MARCHF1: variants seen among roughly 807,000 people sequenced by gnomAD.
The protein encoded by MARCHF1 is membrane associated ring-CH-type finger 1, also known as E3 ubiquitin-protein ligase MARCHF1.
A neutral mutation model predicts 54.2 loss-of-function variants in MARCHF1; 40 were observed. The ratio of observed to expected loss-of-function variants is 0.74; its 90% confidence interval spans 0.57 to 0.96. The LOEUF is 0.96. MARCHF1 is among the 40% of genes least tolerant of loss of function. The pLI is 0.00. For missense variants in MARCHF1, 586 were observed against 656.5 expected, an observed-to-expected ratio of 0.89 and a Z score of 1.17; for synonymous variants, 236 against 236.3, an observed-to-expected ratio of 1.00 and a Z score of 0.01.
chr4:163,832,622 G>A (rs903979420), intron 4 of MARCHF1, among the ~76,000 whole-genome samples: 9 of 146,770 alleles, frequency 6.1e-5, no homozygotes, highest in African/African-American at 2.2e-4. Context: ...AAGTTTTAGG[G>A]TACATGTGCA....
intron 1 of MARCHF1, among the ~76,000 whole-genome samples, chr4:164,318,952 A>G (rs1222299645): frequency 6.6e-6 from 1 of 152,222 alleles, no homozygotes; most frequent in African/African-American, 2.4e-5. Context: ...GTGACTTGAT[A>G]ATACTCAACT....
At chr4:163,543,863 T>C (rs953454356) in intron 9 of MARCHF1, among the ~76,000 whole-genome samples, 2 of 152,174 alleles carry the variant, frequency 1.3e-5, no homozygotes, top group African/African-American at 4.8e-5. Flanking sequence ...CCTTCTCATG[T>C]AGCTGGAGGA....
chr4:164,208,127 G>A (rs1004060194), intron 1 of MARCHF1, among the ~76,000 whole-genome samples: 2 of 152,138 alleles, frequency 1.3e-5, no homozygotes, highest in African/African-American at 4.8e-5. Flanking sequence ...TGTGTCAAGG[G>A]ATTAACTCAT....
At chr4:164,126,989 G>A (rs906742307) in intron 1 of MARCHF1, among the ~76,000 whole-genome samples, 2 of 152,096 alleles carry the variant, frequency 1.3e-5, no homozygotes. Context: ...AGGTGACGGA[G>A]GTTGCAGTGA....
At chr4:163,620,963 A>T (rs1741675330) in intron 5 of MARCHF1, among the ~76,000 whole-genome samples, 4 of 152,202 alleles carry the variant, frequency 2.6e-5, no homozygotes, top group Admixed American at 2.0e-4. Flanking sequence ...ATCAAGAATC[A>T]AGATTTGTGT....
At chr4:163,565,447 A>G (rs1739615049) in intron 8 of MARCHF1, among the ~76,000 whole-genome samples, 1 of 152,244 alleles carries the variant, frequency 6.6e-6, no homozygotes. Context: ...GGTTAGTTGC[A>G]TCAAGAAATC....
chr4:163,759,392 T>C (rs927356741), intron 4 of MARCHF1, among the ~76,000 whole-genome samples: 1 of 152,156 alleles, frequency 6.6e-6, no homozygotes, highest in Non-Finnish European at 1.5e-5. Context: ...TTTTTTTCAT[T>C]TGGTCAATAA....
In MARCHF1 at chr4:163,601,309, T is replaced by C. The variant is rs62332348; in HGVS notation, c.1010+10962A>G. 6.1e-3 allele frequency among the ~76,000 whole-genome samples: 932 copies of C among 152,270 alleles called. 9 individuals carry two copies. Among genetic ancestry groups the C allele is most frequent in the South Asian group, 0.046 (224 of 4,824 alleles). On this transcript the variant is annotated intron_variant, in intron 7 of 9. Transcript: ENST00000514618. ...GTTTATACACACAATGTTTATTTTC[T>C]GTTTGTATAAACATATAGGGAATCT...
intron 2 of MARCHF1, among the ~76,000 whole-genome samples, chr4:164,084,143 T>C (rs765969347): frequency 2.2e-4 from 34 of 151,964 alleles, no homozygotes; most frequent in Non-Finnish European, 4.3e-4. Flanking sequence ...ACTAGGATAT[T>C]ATAATAACTT....
At chr4:164,050,027 CACTT>C (rs1754326354) in intron 2 of MARCHF1, among the ~76,000 whole-genome samples, 1 of 152,050 alleles carries the variant, frequency 6.6e-6, no homozygotes, top group African/African-American at 2.4e-5. Flanking sequence ...GCAATCCCAG[CACTT>C]TGGGAGGCCG....
intron 2 of MARCHF1, among the ~76,000 whole-genome samples, chr4:164,064,486 T>A (rs1754686422): frequency 6.6e-6 from 1 of 152,200 alleles, no homozygotes; most frequent in Non-Finnish European, 1.5e-5. Flanking sequence ...CTAGTGATTT[T>A]TGCATGTCGA....
intron 5 of MARCHF1, among the ~76,000 whole-genome samples, chr4:163,668,868 A>C (rs1291322123): frequency 6.6e-6 from 1 of 152,126 alleles, no homozygotes; most frequent in African/African-American, 2.4e-5. Context: ...GAGTCAAAGA[A>C]GTCATTATTC....
intron 1 of MARCHF1, among the ~76,000 whole-genome samples, chr4:164,144,111 G>T (rs1729595854): frequency 6.6e-6 from 1 of 152,004 alleles, no homozygotes; most frequent in Non-Finnish European, 1.5e-5. Context: ...AATTCAACAA[G>T]AAGAGCTAAC....
chr4:163,904,643 G>A (rs150966002), intron 3 of MARCHF1, among the ~76,000 whole-genome samples: 1 of 152,254 alleles, frequency 6.6e-6, no homozygotes, highest in Non-Finnish European at 1.5e-5. Flanking sequence ...CAAGTAGCAA[G>A]CCTCTATTCT....
intron 1 of MARCHF1, among the ~76,000 whole-genome samples, chr4:164,296,802 T>A (rs1477715504): frequency 6.6e-6 from 1 of 152,206 alleles, no homozygotes; most frequent in Non-Finnish European, 1.5e-5. Context: ...TCAGGTTACT[T>A]ATGTTCATGG....
At chr4:164,109,281 AGAT>A (rs1336653608) in intron 2 of MARCHF1, among the ~76,000 whole-genome samples, 1 of 152,032 alleles carries the variant, frequency 6.6e-6, no homozygotes, top group Non-Finnish European at 1.5e-5. Context: ...GTCCAAGATA[AGAT>A]CTGTTTTACT....
chr4:163,631,880 T>G (rs1005893921), intron 5 of MARCHF1, among the ~76,000 whole-genome samples: 3 of 152,112 alleles, frequency 2.0e-5, no homozygotes, highest in Non-Finnish European at 4.4e-5. Flanking sequence ...CCAACCTACA[T>G]ACAGAGAAAA....
chr4:164,121,839 T>A (rs1407384474), intron 1 of MARCHF1, among the ~76,000 whole-genome samples: 1 of 151,962 alleles, frequency 6.6e-6, no homozygotes, highest in Non-Finnish European at 1.5e-5. Flanking sequence ...CCAAATTCAC[T>A]CTACAACATC....
chr4:164,007,777 T>C (rs1447972546), intron 2 of MARCHF1, among the ~76,000 whole-genome samples: 2 of 152,082 alleles, frequency 1.3e-5, no homozygotes, highest in Non-Finnish European at 2.9e-5. Flanking sequence ...ATAGAATTAT[T>C]TTTGTAACCC....
Sources: allele counts gnomAD v4.1 joint callset (sites outside exome capture counted in the v4.1 genomes callset), GRCh38; gene constraint gnomAD v4.1.1; transcripts MANE v1.5; gene names NCBI Gene and HGNC (gene_info 2026-07-23, HGNC 2026-07-21).